The following AK8 variants were observed in gnomAD, a reference collection of about 807,000 sequenced individuals.
AK8 encodes the protein adenylate kinase 8.
AK8 carries 44 observed loss-of-function variants against 54.6 expected under a neutral mutation model. The observed-to-expected ratio is 0.81, with a 90% confidence interval of 0.63 to 1.04. The LOEUF (loss-of-function observed/expected upper bound fraction) is 1.04, where lower values mean the gene tolerates loss of function less well. Ranked by LOEUF, AK8 falls within the 50% of genes least tolerant of loss-of-function variation. AK8 has a pLI of 0.00. For missense variants in AK8, 555 were observed against 613.6 expected, an observed-to-expected ratio of 0.90 and a Z score of 1.01; for synonymous variants, 239 against 245.6, an observed-to-expected ratio of 0.97 and a Z score of 0.25.
chr9:132,738,965 G>A (rs1380410106), intron 11 of AK8, among the ~76,000 whole-genome samples: 1 of 151,392 alleles, frequency 6.6e-6, no homozygotes, highest in Non-Finnish European at 1.5e-5. Context: ...ATGTTGCCCA[G>A]GCTGGTCTTG....
chr9:132,752,394 C>T (rs1447226875), intron 11 of AK8, among the ~76,000 whole-genome samples: 1 of 151,524 alleles, frequency 6.6e-6, no homozygotes, highest in South Asian at 2.1e-4. Context: ...GGACTATAGG[C>T]GCCCGCCACC....
At chr9:132,752,062 G>C (rs944233508) in intron 11 of AK8, among the ~76,000 whole-genome samples, 1 of 151,582 alleles carries the variant, frequency 6.6e-6, no homozygotes. Flanking sequence ...GGCTGGTCTC[G>C]AACTCCTGAC....
intron 12 of AK8, 21 bp downstream of exon 12, chr9:132,727,433 C>T (rs748062104): frequency 6.2e-7 from 1 of 1,613,426 alleles, no homozygotes; most frequent in South Asian, 1.1e-5. Context: ...GACTGCCAAC[C>T]ACCAGGAACA....
At chr9:132,846,531 GAATGAATGAA>G (rs1337619795) in intron 5 of AK8, among the ~76,000 whole-genome samples, 2 of 152,050 alleles carry the variant, frequency 1.3e-5, no homozygotes, top group Admixed American at 6.6e-5. Flanking sequence ...ATGAATGAAT[GAATGAATGAA>G]TGAATGAATG....
At chr9:132,755,369 C>T (rs746434209) in intron 11 of AK8, among the ~76,000 whole-genome samples, 2 of 152,166 alleles carry the variant, frequency 1.3e-5, no homozygotes, top group Admixed American at 6.5e-5. Context: ...AGCACCCGAG[C>T]GCCTCGACCC....
intron 11 of AK8, among the ~76,000 whole-genome samples, chr9:132,778,184 G>GATAT (rs1839309094): frequency 6.6e-6 from 1 of 152,196 alleles, no homozygotes; most frequent in South Asian, 2.1e-4. Flanking sequence ...CACAGTCAAT[G>GATAT]ATATGTATTC....
At chr9:132,857,809 G>A (rs1033943370) in intron 4 of AK8, among the ~76,000 whole-genome samples, 3 of 152,220 alleles carry the variant, frequency 2.0e-5, no homozygotes, top group East Asian at 3.9e-4. Context: ...GGACAGGCCT[G>A]CGGCTTTGAG....
chr9:132,834,902 T>C (rs1366139452), intron 5 of AK8, among the ~76,000 whole-genome samples: 1 of 151,340 alleles, frequency 6.6e-6, no homozygotes, highest in Non-Finnish European at 1.5e-5. Context: ...AGTCCCACTC[T>C]GTCGCCCAGA....
At chr9:132,877,801 A>G in intron 1 of AK8, 1 of 504,988 alleles carries the variant, frequency 2.0e-6, no homozygotes, top group South Asian at 1.5e-5. Flanking sequence ...GGTAATTGTC[A>G]GCGCCGGGAG....
At chr9:132,871,707 C>G (rs954926338) in intron 2 of AK8, among the ~76,000 whole-genome samples, 1 of 152,172 alleles carries the variant, frequency 6.6e-6, no homozygotes, top group Admixed American at 6.5e-5. Flanking sequence ...GAGAAAGGAG[C>G]AAGGGCTCCT....
intron 10 of AK8, among the ~76,000 whole-genome samples, chr9:132,806,802 A>G (rs111828621): frequency 0.018 from 2,794 of 152,166 alleles, 102 homozygotes; most frequent in African/African-American, 0.064. Flanking sequence ...CATCATCCCA[A>G]TTGGGGGCTG....
intron 11 of AK8, among the ~76,000 whole-genome samples, chr9:132,765,692 C>T (rs1033867412): frequency 2.6e-5 from 4 of 152,106 alleles, no homozygotes; most frequent in Admixed American, 2.0e-4. Context: ...TACCTTAACA[C>T]AATAAAGCTC....
At chr9:132,739,649 C>T (rs2130969526) in intron 11 of AK8, among the ~76,000 whole-genome samples, 1 of 151,792 alleles carries the variant, frequency 6.6e-6, no homozygotes, top group East Asian at 1.9e-4. Flanking sequence ...ATCCCAGCTA[C>T]TTGGGAGGCT....
In AK8 at chr9:132,860,514, C is replaced by A. The variant is rs1018194449; in HGVS notation, c.333+3151G>T. 6.6e-6 allele frequency among the ~76,000 whole-genome samples: 1 copy of A among 152,180 alleles called. No individual in the cohort carries two copies. Among genetic ancestry groups the A allele is most frequent in the African/African-American group, 2.4e-5 (1 of 41,444 alleles). The stretch of plus-strand genomic sequence containing the variant: ...GAGTTCTAGAGGAAAAGGGAAGGCT[C>A]CAGGCATGCCTGAAGGAGGCTGCTG... On this transcript the variant is annotated intron_variant, in intron 4 of 12. Coordinates refer to ENST00000298545, the MANE Select transcript of AK8 (RefSeq NM_152572.3). The surrounding 1 kb of genome is among the most constrained non-coding windows in gnomAD (Gnocchi z 4.4).
rs528951216 is a variant in AK8 at position 132,812,228 on chromosome 9, CTTTTT to C, written c.979+2405_979+2409del. On this transcript the variant is annotated intron_variant, in intron 10 of 12. Coordinates refer to ENST00000298545, the MANE Select transcript of AK8 (RefSeq NM_152572.3). ...CCATTGCTGCTGCTTGCTACTGTGG[CTTTTT>C]TTTTTTTTTTTTTTTTTTGAGACTG... is the stretch of plus-strand genomic sequence containing the variant. Among the ~76,000 whole-genome samples, 79 of 92,556 alleles carry C rather than the reference CTTTTT, an allele frequency of 8.5e-4. 1 individual carries two copies. Among genetic ancestry groups the C allele is most frequent in the Admixed American group, 6.0e-3 (46 of 7,670 alleles). 60.7% of individuals were successfully genotyped at this position (92,556 alleles called of 152,430 possible). A position where few individuals can be genotyped will look rare whatever the true frequency, so the allele number is the denominator to read the frequency against.
chr9:132,745,659 G>T (rs1240991321), intron 11 of AK8, among the ~76,000 whole-genome samples: 1 of 152,086 alleles, frequency 6.6e-6, no homozygotes, highest in Non-Finnish European at 1.5e-5. Context: ...TTTCTTTCCG[G>T]GTAGTGGAGG....
intron 1 of AK8, chr9:132,877,622 GA>G (rs1844184142): frequency 3.2e-6 from 1 of 312,806 alleles, no homozygotes; most frequent in Non-Finnish European, 6.5e-6. Flanking sequence ...GAGCCAGAAT[GA>G]GAGCTTCGGA....
At chr9:132,825,450 C>T (rs1339553041) in intron 8 of AK8, among the ~76,000 whole-genome samples, 1 of 152,146 alleles carries the variant, frequency 6.6e-6, no homozygotes, top group Non-Finnish European at 1.5e-5. Flanking sequence ...AATTCAGAAT[C>T]ATGGCATAAG....
intron 11 of AK8, among the ~76,000 whole-genome samples, chr9:132,732,466 C>T (rs1377706987): frequency 6.6e-6 from 1 of 152,096 alleles, no homozygotes; most frequent in Admixed American, 6.6e-5. Context: ...AGGGCTGGGC[C>T]TGAGGGAGGC....
Sources: allele counts gnomAD v4.1 joint callset (sites outside exome capture counted in the v4.1 genomes callset), GRCh38; gene constraint gnomAD v4.1.1; non-coding constraint Gnocchi (gnomAD v3.1); transcripts MANE v1.5; gene names NCBI Gene and HGNC (gene_info 2026-07-23, HGNC 2026-07-21).